CSGALNACT1: variants seen among roughly 807,000 people sequenced by gnomAD.
The protein encoded by CSGALNACT1 is chondroitin sulfate N-acetylgalactosaminyltransferase 1.
In CSGALNACT1, 52 loss-of-function variants were observed where a neutral mutation model predicts 51.0. The ratio of observed to expected loss-of-function variants is 1.02; its 90% CI spans 0.82 to 1.29. The LOEUF (loss-of-function observed/expected upper bound fraction) is 1.29. CSGALNACT1 is among the 50% of genes most tolerant of loss of function. The probability of loss-of-function intolerance (pLI) is 0.00; values close to 1 mark genes in which losing one functional copy is unlikely to be tolerated. For missense variants in CSGALNACT1, 935 were observed against 679.2 expected, an observed-to-expected ratio of 1.38 and a Z score of -4.19; for synonymous variants, 341 against 254.4, an observed-to-expected ratio of 1.34 and a Z score of -3.24.
chr8:19,646,309 C>T (rs1283356344), intron 1 of CSGALNACT1, among the ~76,000 whole-genome samples: 1 of 152,190 alleles, frequency 6.6e-6, no homozygotes, highest in African/African-American at 2.4e-5. Context: ...CAGCCATCCC[C>T]AGAGGCTGAA....
chr8:19,405,334 C>G (rs1351805992), exon 10 of CSGALNACT1: 1 of 454,780 alleles, frequency 2.2e-6, no homozygotes, highest in Non-Finnish European at 4.4e-6. Context: ...CCTCTCCTGC[C>G]TTCTGATATT....
intron 1 of CSGALNACT1, among the ~76,000 whole-genome samples, chr8:19,748,592 C>T (rs2064834975): frequency 6.6e-6 from 1 of 152,136 alleles, no homozygotes; most frequent in African/African-American, 2.4e-5. Context: ...CATTTACGTA[C>T]ATTAGCTCAA....
rs2052632776 is a variant in CSGALNACT1, at chr8:19,613,847, T to C, written c.-543-11982A>G. 2.6e-5 allele frequency among the ~76,000 whole-genome samples: 4 copies of C among 152,218 alleles called. 1 individual carries two copies. Among genetic ancestry groups the C allele is most frequent in the Admixed American group, 2.6e-4 (4 of 15,280 alleles). ...CACTGAGATTTCTGGGCTGTATTTA[T>C]TTTAGGGTGATTTTATTTGGGGAGA... On this transcript the variant is annotated intron_variant, in intron 1 of 9. Coordinates refer to the CSGALNACT1 transcript ENST00000332246.
At chr8:19,680,552 C>T (rs1200694339) in intron 1 of CSGALNACT1, among the ~76,000 whole-genome samples, 1 of 65,998 alleles carries the variant, frequency 1.5e-5, no homozygotes, top group African/African-American at 5.1e-5. Context: ...GAAGAATCTG[C>T]ACCCTCGCCC....
intron 1 of CSGALNACT1, among the ~76,000 whole-genome samples, chr8:19,662,599 T>C (rs937790526): frequency 3.3e-5 from 5 of 152,194 alleles, no homozygotes; most frequent in Non-Finnish European, 7.3e-5. Flanking sequence ...AGACCTCCCA[T>C]TCTATTATTT....
At chr8:19,613,674 T>C (rs1000945468) in intron 1 of CSGALNACT1, among the ~76,000 whole-genome samples, 4 of 152,236 alleles carry the variant, frequency 2.6e-5, no homozygotes, top group Non-Finnish European at 5.9e-5. Context: ...AAAAGTAGGG[T>C]TAACACGTTT....
At chr8:19,708,286 T>A (rs1184093188) in intron 1 of CSGALNACT1, among the ~76,000 whole-genome samples, 2 of 152,230 alleles carry the variant, frequency 1.3e-5, no homozygotes, top group Non-Finnish European at 2.9e-5. Flanking sequence ...TCCAGCAGAC[T>A]CAGCACCTAG....
At chr8:19,405,156 T>C (rs1343096571) in exon 10 of CSGALNACT1, 2 of 448,904 alleles carry the variant, frequency 4.5e-6, no homozygotes, top group Non-Finnish European at 4.4e-6. Flanking sequence ...AAGTGCATTT[T>C]TAAATAAAAG....
intron 1 of CSGALNACT1, among the ~76,000 whole-genome samples, chr8:19,654,426 A>G (rs2058086000): frequency 6.6e-6 from 1 of 152,232 alleles, no homozygotes; most frequent in South Asian, 2.1e-4. Flanking sequence ...AATCAGGTGA[A>G]CTTAAATCCA....
intron 6 of CSGALNACT1, among the ~76,000 whole-genome samples, chr8:19,435,357 G>C (rs907113174): frequency 7.9e-5 from 12 of 152,100 alleles, no homozygotes; most frequent in Non-Finnish European, 1.2e-4. Context: ...GCTGGGTGTG[G>C]TGGCGTGCGC....
Position 19,550,295 on chromosome 8 carries a change from A to T in CSGALNACT1, c.-297+40865T>A, listed in dbSNP as rs10087663. 6.1e-3 allele frequency among the ~76,000 whole-genome samples: 922 copies of T among 152,276 alleles called. 9 individuals carry two copies. Among genetic ancestry groups the T allele is most frequent in the African/African-American group, 0.021 (873 of 41,556 alleles). ...AGCACTGCACCTGTCTGTGAAACTCATTAGAAAAACAGATTTTGGACTTCT... is the reference window on the plus strand; with the variant it reads ...AGCACTGCACCTGTCTGTGAAACTCTTTAGAAAAACAGATTTTGGACTTCT... On this transcript the variant is annotated intron_variant, in intron 3 of 9. Transcript: ENST00000454498.
chr8:19,418,641 A>C lies in CSGALNACT1; in HGVS notation c.1227+15T>G. ...AACAGAGCCACACAGAGCCATCTGC[A>C]GGGTAATTACTCACCAGCTGCTGTT... On this transcript the variant is annotated intron_variant, in intron 8 of 9. Transcript: ENST00000454498. The C allele has an allele frequency of 6.4e-7, 1 of 1,560,656 alleles. No homozygotes were observed. Among genetic ancestry groups the C allele is most frequent in the Non-Finnish European group, 8.8e-7 (1 of 1,131,336 alleles).
intron 1 of CSGALNACT1, among the ~76,000 whole-genome samples, chr8:19,649,139 T>C (rs1463140525): frequency 6.6e-6 from 1 of 152,312 alleles, no homozygotes; most frequent in East Asian, 1.9e-4. Context: ...TTTCGTTTGT[T>C]CCTCTCAGTG....
intron 6 of CSGALNACT1, among the ~76,000 whole-genome samples, chr8:19,428,145 T>G (rs185340333): frequency 1.2e-4 from 19 of 152,330 alleles, no homozygotes; most frequent in African/African-American, 4.3e-4. Flanking sequence ...TCCCAGCTCC[T>G]GTCTTGCCCT....
chr8:19,529,632 T>C (rs141940939), intron 3 of CSGALNACT1, among the ~76,000 whole-genome samples: 45 of 152,208 alleles, frequency 3.0e-4, no homozygotes, highest in African/African-American at 9.6e-4. Context: ...GGAAAATGTG[T>C]CTATTCATTA....
At chr8:19,659,594 A>T (rs967627200) in intron 1 of CSGALNACT1, among the ~76,000 whole-genome samples, 1 of 152,248 alleles carries the variant, frequency 6.6e-6, no homozygotes, top group Non-Finnish European at 1.5e-5. Flanking sequence ...CCTGGATCAC[A>T]TAAGTTACCA....
intron 4 of CSGALNACT1, among the ~76,000 whole-genome samples, chr8:19,495,833 A>T (rs2075351642): frequency 6.6e-6 from 1 of 152,230 alleles, no homozygotes; most frequent in Non-Finnish European, 1.5e-5. Context: ...CTGTGTCTCC[A>T]GGCCTGCAGG....
chr8:19,417,446 G>C (rs1022346978), intron 8 of CSGALNACT1, among the ~76,000 whole-genome samples: 10 of 152,114 alleles, frequency 6.6e-5, no homozygotes, highest in African/African-American at 2.4e-4. Context: ...GCACAGGATG[G>C]GGCTGGAAAC....
At chr8:19,419,317 G>C (rs1014778247) in intron 7 of CSGALNACT1, among the ~76,000 whole-genome samples, 1 of 152,168 alleles carries the variant, frequency 6.6e-6, no homozygotes, top group African/African-American at 2.4e-5. Flanking sequence ...CCTTGGGAGG[G>C]GGTGTGAAAG....
Sources: allele counts gnomAD v4.1 joint callset (sites outside exome capture counted in the v4.1 genomes callset), GRCh38; gene constraint gnomAD v4.1.1; transcripts MANE v1.5; gene names NCBI Gene and HGNC (gene_info 2026-07-23, HGNC 2026-07-21).